The following AFF3 variants were observed in gnomAD, a reference collection of about 807,000 sequenced individuals.
AFF3 encodes the protein AF4/FMR2 family member 3.
AFF3 carries 32 observed loss-of-function variants against 129.7 expected under a neutral mutation model. The ratio of observed to expected loss-of-function variants is 0.25; its 90% CI spans 0.19 to 0.33. AFF3 has a LOEUF of 0.33. Ranked by LOEUF, AFF3 falls within the 10% of genes least tolerant of loss-of-function variation. The pLI is 1.00. For synonymous variants in AFF3, 644 were observed against 635.4 expected (o/e 1.01, Z -0.20); for missense variants, 1,373 against 1,592.0 (o/e 0.86, Z 2.34).
intron 8 of AFF3, among the ~76,000 whole-genome samples, chr2:99,826,061 C>A (rs1688055439): frequency 6.6e-6 from 1 of 152,174 alleles, no homozygotes; most frequent in Non-Finnish European, 1.5e-5. Context: ...CTTACCCAGG[C>A]TGCAGTGCAG....
intron 4 of AFF3, among the ~76,000 whole-genome samples, chr2:100,012,337 G>A (rs1682628922): frequency 6.6e-6 from 1 of 152,180 alleles, no homozygotes; most frequent in African/African-American, 2.4e-5. Context: ...CCACTGAGCT[G>A]CTTCTTAAAA....
chr2:99,870,254 C>T (rs1691773466), intron 7 of AFF3, among the ~76,000 whole-genome samples: 1 of 152,170 alleles, frequency 6.6e-6, no homozygotes, highest in Non-Finnish European at 1.5e-5. Context: ...AGCCATAAGC[C>T]CCTAGACGTG....
chr2:99,754,445 C>T (rs538308876), intron 8 of AFF3, among the ~76,000 whole-genome samples: 2 of 152,164 alleles, frequency 1.3e-5, no homozygotes, highest in Non-Finnish European at 2.9e-5. Flanking sequence ...CATACCACCC[C>T]GGTATGTCTA....
At chr2:99,629,149 C>T (rs1360933674) in intron 13 of AFF3, among the ~76,000 whole-genome samples, 1 of 152,180 alleles carries the variant, frequency 6.6e-6, no homozygotes, top group East Asian at 1.9e-4. Flanking sequence ...TGAGCCACTG[C>T]ACCCGGGCCC....
chr2:100,093,610 T>G (rs1417763491), intron 4 of AFF3, among the ~76,000 whole-genome samples: 1 of 152,044 alleles, frequency 6.6e-6, no homozygotes, highest in African/African-American at 2.4e-5. Context: ...TTACAAGGAT[T>G]GGTTCTCAAA....
At chr2:99,571,942 A>G (rs983337536) in intron 18 of AFF3, among the ~76,000 whole-genome samples, 1 of 152,172 alleles carries the variant, frequency 6.6e-6, no homozygotes, top group Non-Finnish European at 1.5e-5. Context: ...AGGTACTAAA[A>G]TGAGATCTTA....
rs11399049 is a variant in AFF3, at chr2:99,736,608, ATTTTTTT to A, written c.1039+7489_1039+7495del. The stretch of plus-strand genomic sequence containing the variant: ...TCTAATCCATTTGTTTAAATTACTG[ATTTTTTT>A]TTTTTTTTTTTTGAGACGGAGTCTC... On this transcript the variant is annotated intron_variant, in intron 10 of 24. Coordinates refer to ENST00000672756, the MANE Select transcript of AFF3 (RefSeq NM_001386135.1). 1.3e-3 allele frequency among the ~76,000 whole-genome samples: 161 copies of A among 125,652 alleles called. 1 individual carries two copies. The highest frequency in any genetic ancestry group is 4.8e-3 in the African/African-American group (156 of 32,672). 82.4% of individuals were successfully genotyped at this position (125,652 alleles called of 152,430 possible). A position where few individuals can be genotyped will look rare whatever the true frequency, so the allele number is the denominator to read the frequency against.
intron 13 of AFF3, among the ~76,000 whole-genome samples, chr2:99,616,255 C>T (rs998052916): frequency 1.4e-4 from 21 of 152,176 alleles, no homozygotes; most frequent in Middle Eastern, 3.4e-3. Context: ...TTCGAGGAGG[C>T]CTTTTGGATA....
chr2:99,707,949 C>G (rs763534567), intron 11 of AFF3, among the ~76,000 whole-genome samples: 1 of 151,928 alleles, frequency 6.6e-6, no homozygotes, highest in Admixed American at 6.6e-5. Flanking sequence ...ATTTAAAGTC[C>G]GGTTGGTGGA....
At chr2:99,885,283 C>G (rs1276787528) in intron 7 of AFF3, among the ~76,000 whole-genome samples, 1 of 152,150 alleles carries the variant, frequency 6.6e-6, no homozygotes, top group African/African-American at 2.4e-5. Context: ...CACACAAAGG[C>G]CTTTCCCTCA....
intron 14 of AFF3, among the ~76,000 whole-genome samples, chr2:99,597,500 G>A (rs1386703813): frequency 1.1e-4 from 17 of 152,222 alleles, no homozygotes; most frequent in Admixed American, 1.1e-3. Context: ...ACTAGGTCAG[G>A]GAGGCAGATT....
chr2:99,675,565 A>G (rs947220379), intron 11 of AFF3, among the ~76,000 whole-genome samples: 1 of 152,240 alleles, frequency 6.6e-6, no homozygotes, highest in African/African-American at 2.4e-5. Context: ...TGACCACTGC[A>G]TCTTCAAGTC....
At chr2:99,879,663 A>C (rs1271085580) in intron 7 of AFF3, among the ~76,000 whole-genome samples, 1 of 152,212 alleles carries the variant, frequency 6.6e-6, no homozygotes, top group Non-Finnish European at 1.5e-5. Flanking sequence ...AGGCAGCAAA[A>C]TAAATTAGTC....
At chr2:99,848,951 T>C (rs2105857732) in intron 7 of AFF3, among the ~76,000 whole-genome samples, 1 of 152,070 alleles carries the variant, frequency 6.6e-6, no homozygotes, top group African/African-American at 2.4e-5. Context: ...AAGGAGTAAA[T>C]GATACAGACT....
chr2:99,801,422 G>C (rs781272047), intron 8 of AFF3, among the ~76,000 whole-genome samples: 13 of 152,130 alleles, frequency 8.5e-5, no homozygotes, highest in Non-Finnish European at 1.5e-4. Flanking sequence ...TGCTTCAACA[G>C]ATTTTGGTGA....
chr2:99,664,851 A>G (rs1686537723), intron 12 of AFF3, among the ~76,000 whole-genome samples: 2 of 152,246 alleles, frequency 1.3e-5, no homozygotes, highest in Admixed American at 1.3e-4. Flanking sequence ...AGATCTTAGA[A>G]AAAGTAAACA....
intron 20 of AFF3, among the ~76,000 whole-genome samples, 159 bp downstream of exon 20, chr2:99,565,328 G>T (rs1204084461): frequency 6.6e-6 from 1 of 152,130 alleles, no homozygotes; most frequent in Non-Finnish European, 1.5e-5. Context: ...GGCAGGGTGT[G>T]CCAAGACGCC....
chr2:100,106,295 C>A, intron 2 of AFF3: 1 of 1,169,856 alleles, frequency 8.5e-7, no homozygotes. Flanking sequence ...TAACTCTCAG[C>A]CCTCAAAAAC....
At chr2:99,886,552 C>G (rs965539199) in intron 7 of AFF3, among the ~76,000 whole-genome samples, 2 of 152,110 alleles carry the variant, frequency 1.3e-5, no homozygotes, top group Admixed American at 6.5e-5. Flanking sequence ...ACTGCCTCCC[C>G]CTCCATGCTA....
Sources: gnomAD v4.1 joint callset for allele counts (sites outside exome capture counted in the v4.1 genomes callset) on GRCh38, gnomAD v4.1.1 for gene constraint, MANE v1.5 for transcripts, NCBI Gene and HGNC (gene_info 2026-07-23, HGNC 2026-07-21) for gene names.